XIRP2: variants seen among roughly 807,000 people sequenced by gnomAD.
XIRP2 encodes the protein xin actin-binding repeat-containing protein 2.
Under a neutral mutation model 277.0 loss-of-function variants are expected in XIRP2, and 236 were observed. The ratio of observed to expected loss-of-function variants is 0.85; its 90% confidence interval spans 0.77 to 0.95. XIRP2 has a LOEUF of 0.95. Ranked by LOEUF, XIRP2 falls within the 40% of genes least tolerant of loss-of-function variation. The pLI is 0.00. For synonymous variants in XIRP2, 1,490 were observed against 1,416.5 expected, an observed-to-expected ratio of 1.05 and a Z score of -1.17; for missense variants, 4,640 against 4,157.5, an observed-to-expected ratio of 1.12 and a Z score of -3.19.
chr2:166,997,502 C>T (rs1687254757), intron 2 of XIRP2, among the ~76,000 whole-genome samples: 1 of 152,058 alleles, frequency 6.6e-6, no homozygotes, highest in South Asian at 2.1e-4. Flanking sequence ...TTTTTCCAGT[C>T]TTTATCTCCT....
intron 2 of XIRP2, among the ~76,000 whole-genome samples, chr2:167,007,610 TA>T (rs1679857372): frequency 6.6e-6 from 1 of 151,362 alleles, no homozygotes; most frequent in South Asian, 2.1e-4. Flanking sequence ...GGGGCAGTAA[TA>T]TGTGGTACAT....
At chr2:167,085,428 G>A (rs1304053485) in intron 2 of XIRP2, among the ~76,000 whole-genome samples, 1 of 150,992 alleles carries the variant, frequency 6.6e-6, no homozygotes, top group South Asian at 2.1e-4. Context: ...TGTTGATTTG[G>A]GGTGGAGAGT....
intron 2 of XIRP2, among the ~76,000 whole-genome samples, chr2:167,008,183 A>G (rs1395698713): frequency 6.6e-6 from 1 of 151,610 alleles, no homozygotes; most frequent in African/African-American, 2.4e-5. Context: ...GTCAACATAT[A>G]TCTTTTATTT....
chr2:167,085,419 G>A (rs912704429), intron 2 of XIRP2, among the ~76,000 whole-genome samples: 6 of 150,722 alleles, frequency 4.0e-5, no homozygotes, highest in Non-Finnish European at 7.4e-5. Flanking sequence ...TGTATATTCT[G>A]TTGATTTGGG....
chr2:167,029,052 A>G (rs1161995673), intron 2 of XIRP2, among the ~76,000 whole-genome samples: 2 of 151,920 alleles, frequency 1.3e-5, no homozygotes, highest in African/African-American at 2.4e-5. Context: ...AAAACAATGA[A>G]ACACACCCAC....
At chr2:167,187,556 A>G (rs1693194037) in intron 3 of XIRP2, 1 of 984,788 alleles carries the variant, frequency 1.0e-6, no homozygotes, top group South Asian at 4.7e-5. Context: ...GTCATTGACT[A>G]TATGTCTGCT....
chr2:167,115,129 T>C (rs1690862315), intron 2 of XIRP2, among the ~76,000 whole-genome samples: 1 of 152,190 alleles, frequency 6.6e-6, no homozygotes, highest in Non-Finnish European at 1.5e-5. Context: ...TTTTTAAAGA[T>C]TGCCATTCTA....
chr2:167,139,830 C>A (rs1691658967), intron 3 of XIRP2, among the ~76,000 whole-genome samples: 1 of 152,106 alleles, frequency 6.6e-6, no homozygotes, highest in Non-Finnish European at 1.5e-5. Context: ...AGCTATTATG[C>A]AATTAAAAAG....
chr2:167,258,220 G>T lies in XIRP2; in HGVS notation c.*403G>T. The T allele has an allele frequency of 6.2e-7, 1 of 1,612,972 alleles. No homozygotes were observed. The highest frequency in any genetic ancestry group is 1.1e-5 in the South Asian group (1 of 91,040). On this transcript the variant is annotated 3_prime_UTR_variant, in exon 11 of 11. Transcript: ENST00000409195. Reference sequence around the variant, plus strand: ...TACCCTTTGAGGAAGAGCTCAAAATGAGTAAACCTAAGTGGCCACCTGAAA... The same window carrying T: ...TACCCTTTGAGGAAGAGCTCAAAATTAGTAAACCTAAGTGGCCACCTGAAA...
In XIRP2 at chr2:167,218,251, G is replaced by T. The variant is rs139161535; in HGVS notation, c.809G>T (p.Arg270Leu). The T allele has an allele frequency of 8.1e-5, 131 of 1,607,974 alleles. No homozygotes were observed. The highest frequency in any genetic ancestry group is 1.1e-4 in the Non-Finnish European group (124 of 1,177,294). ...TTTGAGGACGAAATTACTTCTTCCC[G>T]TAATACCTTTGCTCAATACCAATAT... ...KQFEDEITSS[R>L]NTFAQYQYQH... The change falls in exon 5 of 11, where the codon CGT (arginine) becomes CTT (leucine). Residue 270 changes from arginine to leucine, a missense_variant. By Grantham distance (102) the Arg-to-Leu change is moderately radical. Coordinates refer to ENST00000409195, the MANE Select transcript of XIRP2 (RefSeq NM_152381.6).
chr2:166,998,294 A>G (rs1349400157), intron 2 of XIRP2, among the ~76,000 whole-genome samples: 2 of 152,190 alleles, frequency 1.3e-5, no homozygotes, highest in Non-Finnish European at 2.9e-5. Flanking sequence ...AAATTAATTG[A>G]CAAACCATTA....
intron 2 of XIRP2, among the ~76,000 whole-genome samples, chr2:167,066,642 A>G (rs1409079578): frequency 6.6e-6 from 1 of 152,104 alleles, no homozygotes; most frequent in Admixed American, 6.6e-5. Context: ...AATTATTGAA[A>G]TCAGGATGTC....
chr2:166,951,676 G>A (rs1686036768), intron 2 of XIRP2, among the ~76,000 whole-genome samples: 1 of 151,924 alleles, frequency 6.6e-6, no homozygotes, highest in Non-Finnish European at 1.5e-5. Context: ...TTTCATTACT[G>A]ACCAAGGTTC....
intron 2 of XIRP2, among the ~76,000 whole-genome samples, chr2:166,918,251 G>T (rs1373161805): frequency 6.6e-6 from 1 of 151,968 alleles, no homozygotes; most frequent in African/African-American, 2.4e-5. Flanking sequence ...GATGAGCTTT[G>T]GTTTGCTGGT....
At chr2:166,989,060 T>TCC (rs1478540241) in intron 2 of XIRP2, among the ~76,000 whole-genome samples, 5 of 83,070 alleles carry the variant, frequency 6.0e-5, no homozygotes, top group Non-Finnish European at 1.1e-4. Flanking sequence ...GACTTAAGTG[T>TCC]CCCTGTCTGA....
chr2:167,253,986 G>T, intron 9 of XIRP2, 46 bp from the exon 10 acceptor site: 1 of 1,521,376 alleles, frequency 6.6e-7, no homozygotes, highest in Non-Finnish European at 8.8e-7. Flanking sequence ...TTTACAATAT[G>T]ATTGAAGATA....
intron 3 of XIRP2, among the ~76,000 whole-genome samples, chr2:167,208,211 A>G (rs1693915172): frequency 1.3e-5 from 2 of 152,230 alleles, no homozygotes; most frequent in African/African-American, 4.8e-5. Flanking sequence ...TAGTCATTTG[A>G]AAATTTAATT....
intron 2 of XIRP2, among the ~76,000 whole-genome samples, chr2:167,105,076 G>A (rs545088864): frequency 1.3e-5 from 2 of 152,110 alleles, no homozygotes; most frequent in Non-Finnish European, 1.5e-5. Context: ...AAATGAATTA[G>A]TAAGTTAGTT....
chr2:167,231,423 A>G (rs984032019), intron 5 of XIRP2, among the ~76,000 whole-genome samples: 3 of 151,994 alleles, frequency 2.0e-5, no homozygotes, highest in Admixed American at 6.6e-5. Flanking sequence ...TTTTTTTAGT[A>G]AGATTTGGAT....
Sources: gnomAD v4.1 joint callset for allele counts (sites outside exome capture counted in the v4.1 genomes callset) on GRCh38, gnomAD v4.1.1 for gene constraint, MANE v1.5 for transcripts, NCBI Gene and HGNC (gene_info 2026-07-23, HGNC 2026-07-21) for gene names.